The following TCERG1L variants were observed in gnomAD, a reference collection of about 807,000 sequenced individuals.
TCERG1L encodes the protein transcription elongation regulator 1 like, also known as transcription elongation regulator 1-like protein.
In TCERG1L, 37 loss-of-function variants were observed where a neutral mutation model predicts 56.3. The observed-to-expected ratio is 0.66, with a 90% CI of 0.51 to 0.87. TCERG1L has a LOEUF of 0.87. Ranked by LOEUF, TCERG1L falls within the 40% of genes least tolerant of loss-of-function variation. The pLI is 0.00. For missense variants in TCERG1L, 799 were observed against 774.2 expected (o/e 1.03, Z -0.38); for synonymous variants, 324 against 326.3 (o/e 0.99, Z 0.08).
rs566325408 is a variant in TCERG1L, at chr10:131,159,290, G to A, written c.1034+3832C>T. On this transcript the variant is annotated intron_variant, in intron 6 of 11. Coordinates refer to ENST00000368642, the MANE Select transcript of TCERG1L (RefSeq NM_174937.4). ...CGTCTAAGTATTCCAGGGCTGAGAT[G>A]AAGACCAAGGAGGTCGTCTATTTGG... Among the ~76,000 whole-genome samples, 17 of 152,294 alleles carry A rather than the reference G, an allele frequency of 1.1e-4. No homozygotes were observed. The East Asian group carries it at 3.1e-3, about 28-fold the overall frequency.
In TCERG1L at chr10:131,144,626, T is replaced by C. The variant is rs565846747; in HGVS notation, c.1189+1880A>G. ...TTGAAAACAAATCTCTTCCTCTCTT[T>C]ATATGAGGAGGGAAGTAAGATTAAA... On this transcript the variant is annotated intron_variant, in intron 7 of 11. Transcript: ENST00000368642. Among the ~76,000 whole-genome samples the C allele has an allele frequency of 1.6e-4, 24 of 152,288 alleles. No individual in the cohort carries two copies. In the South Asian group the frequency reaches 4.8e-3, roughly 30 times the overall value.
intron 9 of TCERG1L, among the ~76,000 whole-genome samples, chr10:131,114,515 G>A (rs1845435669): frequency 6.6e-6 from 1 of 151,890 alleles, no homozygotes; most frequent in Non-Finnish European, 1.5e-5. Context: ...GGTGGTTACC[G>A]CTTCACGTTC....
At chr10:131,232,936 A>G (rs1845868022) in intron 4 of TCERG1L, among the ~76,000 whole-genome samples, 1 of 152,236 alleles carries the variant, frequency 6.6e-6, no homozygotes, top group African/African-American at 2.4e-5. Flanking sequence ...AAGGCTACAT[A>G]GAGAGTTACT....
intron 3 of TCERG1L, among the ~76,000 whole-genome samples, chr10:131,302,700 C>T (rs1335301669): frequency 1.3e-5 from 2 of 149,192 alleles, no homozygotes; most frequent in Non-Finnish European, 1.5e-5. Flanking sequence ...TATAGGTATA[C>T]ATGCACCATG....
In TCERG1L at chr10:131,260,305, C is replaced by A; in HGVS notation, c.810G>T (p.Leu270=). ...GGGGTATTTTGATGGGTGCCAAGGT[C>A]AGGAAGTGGCGCGGCTGCACGCTGG... The part of the protein sequence containing the change: ...SPSSVQPRHF[L]TLAPIKIPLR... Residue 270 remains leucine (L), a synonymous_variant, in exon 4 of 12, where the codon CTG becomes CTT. Coordinates refer to ENST00000368642, the MANE Select transcript of TCERG1L (RefSeq NM_174937.4). This position sits in a 1 kb window ranked among gnomAD's most constrained non-coding sequence, Gnocchi z 5.8. 1 of 1,442,860 alleles carries A rather than the reference C, an allele frequency of 6.9e-7. No homozygotes were observed. Among genetic ancestry groups the A allele is most frequent in the Non-Finnish European group, 9.1e-7 (1 of 1,098,742 alleles). The allele number at this position is 1,442,860 out of a possible 1,614,324, so 89.4% of individuals were successfully genotyped here.
chr10:131,256,992 G>GGAAGGAAGGGAAGAAA (rs1846173015), intron 4 of TCERG1L, among the ~76,000 whole-genome samples: 2 of 59,170 alleles, frequency 3.4e-5, no homozygotes, highest in African/African-American at 1.1e-4. Context: ...AAGGAAGGAA[G>GGAAGGAAGGGAAGAAA]GAAAGAAAGA....
At chr10:131,212,237 T>C (rs1845627616) in intron 4 of TCERG1L, among the ~76,000 whole-genome samples, 1 of 152,136 alleles carries the variant, frequency 6.6e-6, no homozygotes, top group African/African-American at 2.4e-5. Context: ...AGACAGCAGC[T>C]CTCCCACTGC....
chr10:131,306,559 A>G (rs1305107720), intron 3 of TCERG1L, among the ~76,000 whole-genome samples: 1 of 152,148 alleles, frequency 6.6e-6, no homozygotes, highest in East Asian at 1.9e-4. Flanking sequence ...CCATTAATGG[A>G]TACCCCATTC....
At chr10:131,139,443 G>A (rs1193579255) in intron 7 of TCERG1L, among the ~76,000 whole-genome samples, 1 of 152,160 alleles carries the variant, frequency 6.6e-6, no homozygotes, top group Non-Finnish European at 1.5e-5. Flanking sequence ...AGAAAAGCAG[G>A]GGATTGGAGG....
At chr10:131,093,484 C>T (rs1589772185) in intron 11 of TCERG1L, among the ~76,000 whole-genome samples, 166 bp from the exon 12 acceptor site, 1 of 152,236 alleles carries the variant, frequency 6.6e-6, no homozygotes, top group East Asian at 1.9e-4. Context: ...CGTGCCTGCT[C>T]CTCACCCGGG....
At chr10:131,308,682 C>G (rs749506803) in intron 2 of TCERG1L, among the ~76,000 whole-genome samples, 7 of 152,222 alleles carry the variant, frequency 4.6e-5, no homozygotes, top group African/African-American at 7.2e-5. Flanking sequence ...AATGACTAAG[C>G]TGTATGACAA....
At chr10:131,239,621 G>C (rs1486755960) in intron 4 of TCERG1L, among the ~76,000 whole-genome samples, 1 of 152,236 alleles carries the variant, frequency 6.6e-6, no homozygotes, top group Non-Finnish European at 1.5e-5. Context: ...TCAGAGGTGA[G>C]GAGGGGCCCA....
intron 3 of TCERG1L, among the ~76,000 whole-genome samples, chr10:131,286,856 C>G (rs1239858834): frequency 6.6e-6 from 1 of 152,210 alleles, no homozygotes; most frequent in Admixed American, 6.5e-5. Flanking sequence ...CACTGCCGTT[C>G]CCACATGGGA....
chr10:131,301,725 T>C (rs1846763285), intron 3 of TCERG1L, among the ~76,000 whole-genome samples: 2 of 151,272 alleles, frequency 1.3e-5, no homozygotes, highest in South Asian at 2.1e-4. Context: ...AAAATAACCA[T>C]ATAAAACAAA....
chr10:131,126,103 C>T (rs530994265), intron 8 of TCERG1L, among the ~76,000 whole-genome samples: 1 of 152,348 alleles, frequency 6.6e-6, no homozygotes, highest in Admixed American at 6.5e-5. Context: ...TGCCTAGCAC[C>T]CCTGCTTCTG....
intron 4 of TCERG1L, among the ~76,000 whole-genome samples, chr10:131,212,464 T>TTA: frequency 6.6e-6 from 1 of 152,356 alleles, no homozygotes; most frequent in South Asian, 2.1e-4. Context: ...AAATGCATTA[T>TTA]TTGAAACTGT....
At chr10:131,199,334 T>C (rs1290448831) in intron 4 of TCERG1L, among the ~76,000 whole-genome samples, 1 of 152,196 alleles carries the variant, frequency 6.6e-6, no homozygotes, top group Non-Finnish European at 1.5e-5. Context: ...TAAATTCCAT[T>C]TTTAACTTGT....
chr10:131,093,995 C>G (rs947486191), intron 11 of TCERG1L, among the ~76,000 whole-genome samples: 6 of 152,304 alleles, frequency 3.9e-5, no homozygotes, highest in African/African-American at 1.4e-4. Context: ...ACTGATGGAG[C>G]GAATCAGAGC....
chr10:131,294,650 C>T (rs1846668760), intron 3 of TCERG1L, among the ~76,000 whole-genome samples: 1 of 152,150 alleles, frequency 6.6e-6, no homozygotes, highest in African/African-American at 2.4e-5. Flanking sequence ...CAGAAGACAT[C>T]TCTAAATTAT....
Sources: gnomAD v4.1 joint callset for allele counts (sites outside exome capture counted in the v4.1 genomes callset) on GRCh38, gnomAD v4.1.1 for gene constraint, Gnocchi (gnomAD v3.1) non-coding constraint, MANE v1.5 for transcripts, NCBI Gene and HGNC (gene_info 2026-07-23, HGNC 2026-07-21) for gene names.